Variants in GLYATL2 observed in about 807,000 individuals in gnomAD.
GLYATL2 encodes the protein glycine-N-acyltransferase like 2, also known as glycine N-acyltransferase-like protein 2.
In GLYATL2, 25 loss-of-function variants were observed where a neutral mutation model predicts 21.4. That is an observed-to-expected ratio of 1.17 (90% confidence interval 0.85 to 1.63). GLYATL2 has a LOEUF of 1.63. Ranked by LOEUF, GLYATL2 falls within the 40% of genes most tolerant of loss-of-function variation. GLYATL2 has a pLI of 0.00. For synonymous variants in GLYATL2, 114 were observed against 118.2 expected, an observed-to-expected ratio of 0.96 and a Z score of 0.23; for missense variants, 361 against 343.3, an observed-to-expected ratio of 1.05 and a Z score of -0.41.
intron 3 of GLYATL2, 64 bp from the exon 4 acceptor site, chr11:58,837,461 G>T: frequency 6.9e-7 from 1 of 1,441,992 alleles, no homozygotes; most frequent in Non-Finnish European, 9.7e-7. Context: ...TCTTGCATAG[G>T]TCTAGAGTGC....
intron 1 of GLYATL2, among the ~76,000 whole-genome samples, chr11:58,890,014 C>T (rs984225696): frequency 2.6e-5 from 4 of 152,046 alleles, no homozygotes; most frequent in Non-Finnish European, 4.4e-5. Flanking sequence ...GAATATTACA[C>T]GTTGATGAGT....
At chr11:58,862,620 C>A (rs1387190009) in intron 1 of GLYATL2, among the ~76,000 whole-genome samples, 17 of 152,166 alleles carry the variant, frequency 1.1e-4, no homozygotes, top group Admixed American at 4.6e-4. Context: ...TTCAGTTCAA[C>A]CATTGTGTCC....
intron 1 of GLYATL2, among the ~76,000 whole-genome samples, chr11:58,874,178 T>C (rs1263173717): frequency 6.6e-6 from 1 of 152,196 alleles, no homozygotes; most frequent in Non-Finnish European, 1.5e-5. Flanking sequence ...GATTCTCCTC[T>C]CTTTTCTTCT....
chr11:58,857,150 G>T (rs1480252199), intron 1 of GLYATL2, among the ~76,000 whole-genome samples: 1 of 152,134 alleles, frequency 6.6e-6, no homozygotes, highest in Non-Finnish European at 1.5e-5. Context: ...CAGTGCACAA[G>T]GGTTCTCCTC....
intron 1 of GLYATL2, among the ~76,000 whole-genome samples, chr11:58,897,452 T>C (rs974774664): frequency 6.6e-6 from 1 of 152,188 alleles, no homozygotes; most frequent in African/African-American, 2.4e-5. Context: ...GCCAACCTTT[T>C]AGAACTGTGT....
chr11:58,905,794 C>T, upstream of GLYATL2: 1 of 384,742 alleles, frequency 2.6e-6, no homozygotes, highest in Non-Finnish European at 5.3e-6. Context: ...CTGACCCGCC[C>T]GCGAGCGCGT....
chr11:58,849,539 C>T (rs10792188), upstream of GLYATL2, among the ~76,000 whole-genome samples: 135,016 of 152,164 alleles, frequency 0.89, 61,061 homozygotes, highest in Non-Finnish European at 0.98. Flanking sequence ...AGACACAAGA[C>T]TGAAGCTATA....
intron 1 of GLYATL2, among the ~76,000 whole-genome samples, chr11:58,878,146 C>A (rs1854271823): frequency 6.6e-6 from 1 of 152,216 alleles, no homozygotes; most frequent in African/African-American, 2.4e-5. Flanking sequence ...CAAGTCACCC[C>A]TGGAGCCTCT....
intron 1 of GLYATL2, among the ~76,000 whole-genome samples, chr11:58,858,761 T>C (rs1731794685): frequency 6.7e-6 from 1 of 150,206 alleles, no homozygotes; most frequent in South Asian, 2.1e-4. Flanking sequence ...AATGTGAACT[T>C]CCGTGTCCCT....
At chr11:58,882,254 C>A (rs558214122) in intron 1 of GLYATL2, among the ~76,000 whole-genome samples, 1 of 152,162 alleles carries the variant, frequency 6.6e-6, no homozygotes, top group Admixed American at 6.5e-5. Flanking sequence ...TGTTTCCTGA[C>A]TTTTTAATGA....
intron 1 of GLYATL2, among the ~76,000 whole-genome samples, chr11:58,872,843 G>A (rs972170142): frequency 6.6e-6 from 1 of 152,184 alleles, no homozygotes; most frequent in Non-Finnish European, 1.5e-5. Flanking sequence ...TAGCTTGATA[G>A]GGATGGCATT....
At chr11:58,846,329 C>G (rs1309575617), upstream of GLYATL2, among the ~76,000 whole-genome samples, 1 of 152,026 alleles carries the variant, frequency 6.6e-6, no homozygotes, top group Non-Finnish European at 1.5e-5. Flanking sequence ...AAGGCACCAA[C>G]TTAACAACTA....
chr11:58,858,533 T>G (rs528297099), intron 1 of GLYATL2, among the ~76,000 whole-genome samples: 36 of 152,226 alleles, frequency 2.4e-4, no homozygotes, highest in Admixed American at 1.5e-3. Context: ...CAATGTGAGC[T>G]GATGGTTCTT....
At chr11:58,870,020 AT>A (rs1565099286) in intron 1 of GLYATL2, among the ~76,000 whole-genome samples, 1 of 152,082 alleles carries the variant, frequency 6.6e-6, no homozygotes, top group Non-Finnish European at 1.5e-5. Flanking sequence ...AGGTGGGAAG[AT>A]TGCTTGAGCC....
chr11:58,909,075 T>C (rs892353179), upstream of GLYATL2, among the ~76,000 whole-genome samples: 10 of 152,194 alleles, frequency 6.6e-5, no homozygotes, highest in African/African-American at 2.4e-4. Context: ...TGGAAAATGA[T>C]AATACTAAAT....
chr11:58,904,539 G>A (rs1379595485), upstream of GLYATL2, among the ~76,000 whole-genome samples: 3 of 152,190 alleles, frequency 2.0e-5, no homozygotes, highest in African/African-American at 7.2e-5. Context: ...ACAATGAAAA[G>A]AAGATCAAGT....
chr11:58,897,201 A>G (rs549213226), intron 1 of GLYATL2, among the ~76,000 whole-genome samples: 5 of 152,196 alleles, frequency 3.3e-5, no homozygotes, highest in Non-Finnish European at 7.3e-5. Flanking sequence ...AGTCCTTGGA[A>G]TGAAGAAGAG....
At chr11:58,843,475 A>G (rs1485544264) in intron 1 of GLYATL2, among the ~76,000 whole-genome samples, 1 of 152,204 alleles carries the variant, frequency 6.6e-6, no homozygotes, top group East Asian at 1.9e-4. Flanking sequence ...GCTCCCTGAG[A>G]GTAGAAGCAG....
chr11:58,895,027 G>C (rs144133653), intron 1 of GLYATL2, among the ~76,000 whole-genome samples: 5 of 152,116 alleles, frequency 3.3e-5, no homozygotes, highest in Non-Finnish European at 7.3e-5. Context: ...ATGGTGCCTC[G>C]GGCAGGTCCT....
Sources: allele counts gnomAD v4.1 joint callset (sites outside exome capture counted in the v4.1 genomes callset), GRCh38; gene constraint gnomAD v4.1.1; transcripts MANE v1.5; gene names NCBI Gene and HGNC (gene_info 2026-07-23, HGNC 2026-07-21).